Variants in TCF4 observed in about 807,000 individuals in gnomAD.
The protein encoded by TCF4 is transcription factor 4.
In TCF4, 3 loss-of-function variants were observed where a neutral mutation model predicts 82.1. The observed-to-expected ratio is 0.04, with a 90% CI of 0.02 to 0.09. The LOEUF is 0.09. Among genes scored for constraint, TCF4 ranks in the 10% least tolerant of loss-of-function variants. The pLI is 1.00. For missense variants in TCF4, 518 were observed against 852.7 expected, an observed-to-expected ratio of 0.61 and a Z score of 4.89; for synonymous variants, 276 against 309.6, an observed-to-expected ratio of 0.89 and a Z score of 1.14.
At chr18:55,381,835 T>C (rs899135074) in intron 6 of TCF4, among the ~76,000 whole-genome samples, 4 of 152,236 alleles carry the variant, frequency 2.6e-5, no homozygotes, top group Non-Finnish European at 5.9e-5. Flanking sequence ...AAGCAACTTA[T>C]GTCTTCTTTT....
chr18:55,553,300 A>G (rs2097275915), intron 3 of TCF4: 2 of 152,286 alleles, frequency 1.3e-5, no homozygotes, highest in South Asian at 2.1e-4. Context: ...CCTCAACATC[A>G]AGACTCTCAG....
intron 3 of TCF4, among the ~76,000 whole-genome samples, chr18:55,524,429 T>C (rs867920849): frequency 1.9e-4 from 29 of 152,170 alleles, no homozygotes; most frequent in Non-Finnish European, 3.2e-4. Context: ...ATTAGACTTA[T>C]AATGGTGTTT....
At chr18:55,309,724 C>T (rs1240457305) in intron 8 of TCF4, among the ~76,000 whole-genome samples, 1 of 152,124 alleles carries the variant, frequency 6.6e-6, no homozygotes, top group Non-Finnish European at 1.5e-5. Flanking sequence ...GAGTTAAATA[C>T]CACACAGGCA....
chr18:55,544,641 T>C (rs2097190489), intron 3 of TCF4, among the ~76,000 whole-genome samples: 1 of 152,158 alleles, frequency 6.6e-6, no homozygotes, highest in Non-Finnish European at 1.5e-5. Context: ...TATATTACAA[T>C]ACCACAAATA....
intron 14 of TCF4, among the ~76,000 whole-genome samples, chr18:55,255,458 A>C (rs2056563248): frequency 6.6e-6 from 1 of 152,150 alleles, no homozygotes; most frequent in Admixed American, 6.6e-5. Flanking sequence ...AACCATTAAA[A>C]ACCAACCAAC....
At chr18:55,250,047 T>C (rs1017001357) in intron 15 of TCF4, among the ~76,000 whole-genome samples, 62 of 152,224 alleles carry the variant, frequency 4.1e-4, no homozygotes, top group African/African-American at 1.4e-3. Context: ...GAGGGAATCA[T>C]ACTTGGTAAG....
At chr18:55,360,621 T>C (rs919723280) in intron 6 of TCF4, among the ~76,000 whole-genome samples, 1 of 151,966 alleles carries the variant, frequency 6.6e-6, no homozygotes, top group African/African-American at 2.4e-5. Flanking sequence ...AAATCAACCA[T>C]ACATAATATG....
chr18:55,612,952 A>AAT (rs1555789960), intron 2 of TCF4, among the ~76,000 whole-genome samples: 3 of 151,890 alleles, frequency 2.0e-5, no homozygotes, highest in African/African-American at 4.8e-5. Flanking sequence ...TGTCTCAAAA[A>AAT]ATATATATAT....
Position 55,461,083 on chromosome 18 carries a change from C to T in TCF4, c.240G>A (p.Met80Ile), listed in dbSNP as rs532294589. 51 of 1,613,236 alleles carry T rather than the reference C, an allele frequency of 3.2e-5. No individual in the cohort carries two copies. The East Asian group carries it at 1.1e-3, about 35-fold the overall frequency. The change falls in exon 5 of 20, where the codon ATG becomes ATA. Residue 80 changes from methionine to isoleucine, a missense_variant. Around this residue, in one of 7 missense-constraint regions of TCF4, gnomAD observed 80 missense variants for 93.8 expected, o/e 0.85. Coordinates refer to ENST00000354452, the MANE Select transcript of TCF4 (RefSeq NM_001083962.2). ...NYGDGTPYDH[M>I]TSRDLGSHDN... The stretch of plus-strand genomic sequence containing the variant: ...CATGTGACCCAAGGTCCCTGCTGGT[C>T]ATGTGGTCATAGGGAGTCCCATCTC...
intron 8 of TCF4, among the ~76,000 whole-genome samples, chr18:55,288,760 C>T (rs961500182): frequency 6.6e-6 from 1 of 152,198 alleles, no homozygotes; most frequent in Non-Finnish European, 1.5e-5. Flanking sequence ...AGCTAAGATG[C>T]AGCAGGTATT....
At chr18:55,426,861 G>GAC (rs879617774) in intron 5 of TCF4, among the ~76,000 whole-genome samples, 5 of 151,002 alleles carry the variant, frequency 3.3e-5, no homozygotes, top group Non-Finnish European at 7.4e-5. Flanking sequence ...GACACACAAA[G>GAC]ACACACACAC....
At chr18:55,363,889 A>G (rs1569199396) in intron 6 of TCF4, among the ~76,000 whole-genome samples, 1 of 152,204 alleles carries the variant, frequency 6.6e-6, no homozygotes, top group Non-Finnish European at 1.5e-5. Flanking sequence ...CTTAACAAAT[A>G]TTTAATGAGA....
At chr18:55,535,532 C>T (rs189909236) in intron 3 of TCF4, among the ~76,000 whole-genome samples, 189 of 152,280 alleles carry the variant, frequency 1.2e-3, no homozygotes, top group Middle Eastern at 3.4e-3. Context: ...TATAACACTA[C>T]CAAGCTTTAA....
intron 6 of TCF4, among the ~76,000 whole-genome samples, 188 bp downstream of exon 6, chr18:55,403,266 C>T (rs571841873): frequency 6.6e-6 from 1 of 152,242 alleles, no homozygotes; most frequent in Admixed American, 6.5e-5. Flanking sequence ...GATACAGCAG[C>T]GATCTAAAGA....
chr18:55,294,962 G>A (rs1015024000), intron 8 of TCF4, among the ~76,000 whole-genome samples: 10 of 152,054 alleles, frequency 6.6e-5, no homozygotes, highest in South Asian at 2.1e-4. Context: ...CCCAAAATTC[G>A]GAAACATAAT....
At chr18:55,506,205 C>A (rs1468045473) in intron 3 of TCF4, among the ~76,000 whole-genome samples, 1 of 152,140 alleles carries the variant, frequency 6.6e-6, no homozygotes, top group East Asian at 1.9e-4. Flanking sequence ...ATACTGATGA[C>A]CTGCAGTGGA....
At chr18:55,503,140 T>A (rs1302808043) in intron 3 of TCF4, among the ~76,000 whole-genome samples, 1 of 152,200 alleles carries the variant, frequency 6.6e-6, no homozygotes, top group Non-Finnish European at 1.5e-5. Flanking sequence ...TTTAACAGGA[T>A]ACACCGCTAA....
chr18:55,481,647 C>T (rs2096435078), intron 3 of TCF4, among the ~76,000 whole-genome samples: 1 of 152,320 alleles, frequency 6.6e-6, no homozygotes, highest in South Asian at 2.1e-4. Context: ...CAGTACTCCT[C>T]CCAAAACCTT....
Position 55,274,113 on chromosome 18 carries a change from G to A in TCF4, c.789+1506C>T, listed in dbSNP as rs570323358. On this transcript the variant is annotated intron_variant, in intron 10 of 19. Coordinates refer to ENST00000354452, the MANE Select transcript of TCF4 (RefSeq NM_001083962.2). ...TTGCTCATAGGACACATACAGTTTT[G>A]ACCATGAGTTCCCACAGAAGTGGAA... 2.0e-5 allele frequency among the ~76,000 whole-genome samples: 3 copies of A among 152,234 alleles called. No homozygotes were observed. The South Asian group carries it at 6.2e-4, about 32-fold the overall frequency.
Sources: allele counts gnomAD v4.1 joint callset (sites outside exome capture counted in the v4.1 genomes callset), GRCh38; gene constraint gnomAD v4.1.1; regional missense constraint gnomAD v4.1.1; transcripts MANE v1.5; gene names NCBI Gene and HGNC (gene_info 2026-07-23, HGNC 2026-07-21).